Variants in SMPD4 observed in about 807,000 individuals in gnomAD.
SMPD4 encodes the protein sphingomyelin phosphodiesterase 4, also known as neutral sphingomyelinase 3.
A neutral mutation model predicts 97.8 loss-of-function variants in SMPD4; 58 were observed. That is an observed-to-expected ratio of 0.59 (90% CI 0.48 to 0.74). The LOEUF is 0.74. Among genes scored for constraint, SMPD4 ranks in the 30% least tolerant of loss-of-function variants. The pLI is 0.00. For synonymous variants in SMPD4, 388 were observed against 450.0 expected, an observed-to-expected ratio of 0.86 and a Z score of 1.74; for missense variants, 853 against 1,080.5, an observed-to-expected ratio of 0.79 and a Z score of 2.95.
Position 130,152,449 on chromosome 2 carries a change from G to T in SMPD4, c.*106C>A. The T allele has an allele frequency of 7.9e-7, 1 of 1,267,692 alleles. No individual in the cohort carries two copies. Among genetic ancestry groups the T allele is most frequent in the Non-Finnish European group, 1.1e-6 (1 of 935,874 alleles). The allele number at this position is 1,267,692 out of a possible 1,614,324, so 78.5% of individuals were successfully genotyped here. On this transcript the variant is annotated 3_prime_UTR_variant, in exon 20 of 20. Transcript: ENST00000680298. ...TGCAGGAACCCCGCTCCAGAAGCCC[G>T]AGGATGACCGTGTTCCCTCCTGGAG... is the stretch of plus-strand genomic sequence containing the variant.
At position 130,176,575 on chromosome 2, in the gene SMPD4, C is replaced by A. The variant is rs758615528; in HGVS notation, c.18G>T (p.Leu6=). The change falls in exon 2 of 20, where the codon CTG becomes CTT. Residue 6 remains leucine (L), a synonymous_variant. Coordinates refer to ENST00000680298, the MANE Select transcript of SMPD4 (RefSeq NM_017951.5). MAFPH[L]QQPSFLLASL... is the part of the protein sequence containing the mutation. ...TTACCAGTAGAAAGCTGGGCTGCTG[C>A]AGGTGAGGGAACGCCATAGCAGCCT... 2.5e-6 allele frequency: 4 copies of A among 1,613,178 alleles called. No individual in the cohort carries two copies. The highest frequency in any genetic ancestry group is 4.5e-5 in the East Asian group (2 of 44,866).
At chr2:130,156,227 C>T in intron 13 of SMPD4, 92 bp from the exon 14 acceptor site, 1 of 1,100,626 alleles carries the variant, frequency 9.1e-7, no homozygotes, top group Non-Finnish European at 1.3e-6. Flanking sequence ...CTGGGTGGGA[C>T]TGACTCTTCT....
chr2:130,153,062 G>T lies in SMPD4; in HGVS notation c.2135C>A (p.Ser712Ter), dbSNP rs375396456. ...ASLVRTLFRL[S>*]SAINHRFAGQ... is the part of the protein sequence containing the mutation. The stretch of plus-strand genomic sequence containing the variant: ...ACTCACTCTGTGGTTGATGGCAGAC[G>T]ACAGCCTAAAGAGTGTGCGGACCAA... The change falls in exon 19 of 20, where the codon TCG (serine) becomes TAG (stop). Residue 712 changes from serine to a stop codon, truncating the protein, a stop_gained. Transcript: ENST00000680298. LOFTEE classifies it high-confidence loss of function. 1 of 1,611,842 alleles carries T rather than the reference G, an allele frequency of 6.2e-7. No homozygotes were observed. Among genetic ancestry groups the T allele is most frequent in the Non-Finnish European group, 8.5e-7 (1 of 1,179,766 alleles).
chr2:130,181,453 G>C, intron 1 of SMPD4, 77 bp downstream of exon 1: 1 of 1,529,502 alleles, frequency 6.5e-7, no homozygotes, highest in Non-Finnish European at 8.8e-7. Flanking sequence ...GCGGAGGAAC[G>C]GAGATGGCCT....
intron 16 of SMPD4, 105 bp from the exon 17 acceptor site, chr2:130,154,040 G>C: frequency 8.3e-7 from 1 of 1,204,230 alleles, no homozygotes; most frequent in East Asian, 2.6e-5. Flanking sequence ...CAGGAGGAGT[G>C]GCTTCTGCCA....
In SMPD4 at chr2:130,160,276, CCT is replaced by C. The variant is rs1267406527; in HGVS notation, c.951+908_951+909del. Among the ~76,000 whole-genome samples the C allele has an allele frequency of 5.9e-5, 9 of 152,326 alleles. No homozygotes were observed. The South Asian group carries it at 1.9e-3, about 32-fold the overall frequency. On this transcript the variant is annotated intron_variant, in intron 11 of 19. Coordinates refer to ENST00000680298, the MANE Select transcript of SMPD4 (RefSeq NM_017951.5). ...AGTGGCTCCTGCGGAATGAGGTGCCCCTGTGTGCTGTGGCCACCATCCCAGCC... is the reference window on the plus strand; with the variant it reads ...AGTGGCTCCTGCGGAATGAGGTGCCCGTGTGCTGTGGCCACCATCCCAGCC...
rs193125137 is a variant in SMPD4 at position 130,156,185 on chromosome 2, C to G, written c.1189-50G>C. 798 of 1,531,616 alleles carry G rather than the reference C, an allele frequency of 5.2e-4. 4 individuals carry two copies. In the African/African-American group the frequency reaches 9.8e-3, roughly 19 times the overall value. The allele number at this position is 1,531,616 out of a possible 1,614,324, so 94.9% of individuals were successfully genotyped here. On this transcript the variant is annotated intron_variant, in intron 13 of 19. Transcript: ENST00000680298. ...GCTCCGTGGCTGGGGGCCAAATACT[C>G]GGTGGCCTGGAGCCCAGATACCAGG...
rs192638979 is a variant in SMPD4, at chr2:130,178,105, C to T, written c.-45-1468G>A. Among the ~76,000 whole-genome samples the T allele has an allele frequency of 7.0e-4, 106 of 152,222 alleles. 1 individual carries two copies. Among genetic ancestry groups the T allele is most frequent in the African/African-American group, 2.5e-3 (104 of 41,536 alleles). On this transcript the variant is annotated intron_variant, in intron 1 of 19. Coordinates refer to ENST00000680298, the MANE Select transcript of SMPD4 (RefSeq NM_017951.5). ...AAATAAACCTGGAAGCAGCTTCTTC[C>T]CTAGAGTCTCCAGATAAGAGCAAAG...
chr2:130,181,069 C>G, intron 1 of SMPD4, among the ~76,000 whole-genome samples: 1 of 152,326 alleles, frequency 6.6e-6, no homozygotes, highest in East Asian at 1.9e-4. Flanking sequence ...GCCAAGACCT[C>G]CCTTAACAGC....
rs771620367 is a variant in SMPD4, at chr2:130,155,209, C to T, written c.1340G>A (p.Gly447Asp). The T allele has an allele frequency of 1.2e-6, 2 of 1,614,194 alleles. No individual in the cohort carries two copies. The highest frequency in any genetic ancestry group is 1.7e-5 in the Admixed American group (1 of 60,030). Residue 447 changes from glycine (G) to aspartate (D), a missense_variant, in exon 15 of 20, where the codon GGC becomes GAC. This residue lies in a region of SMPD4 where 511 missense variants were observed against 608.1 expected (regional missense o/e 0.84). Coordinates refer to ENST00000680298, the MANE Select transcript of SMPD4 (RefSeq NM_017951.5). ...NLLMYTKLFV[G>D]FLNRALRTDL... Reference sequence around the variant, plus strand: ...TGTGCGGAGCGCGCGGTTCAGAAAGCCCACAAACAACTTGGTGTACATCAG... The same window carrying T: ...TGTGCGGAGCGCGCGGTTCAGAAAGTCCACAAACAACTTGGTGTACATCAG...
intron 2 of SMPD4, among the ~76,000 whole-genome samples, chr2:130,175,562 A>G (rs1688910302): frequency 6.6e-6 from 1 of 152,226 alleles, no homozygotes; most frequent in Non-Finnish European, 1.5e-5. Context: ...GACAAAAATT[A>G]TAGATGGCTT....
At chr2:130,176,720 T>A (rs1343614416) in intron 1 of SMPD4, 83 bp from the exon 2 acceptor site, 1 of 1,172,718 alleles carries the variant, frequency 8.5e-7, no homozygotes, top group Non-Finnish European at 1.2e-6. Context: ...CAGGGTCTTG[T>A]TCTGTTGCCC....
chr2:130,181,397 G>A (rs1489110336), intron 1 of SMPD4, 133 bp downstream of exon 1: 3 of 1,469,718 alleles, frequency 2.0e-6, no homozygotes, highest in South Asian at 1.4e-5. Flanking sequence ...TCCCCAGCCT[G>A]CCCTGCCTGG....
chr2:130,173,951 A>G (rs1402523584), intron 3 of SMPD4, among the ~76,000 whole-genome samples: 1 of 146,188 alleles, frequency 6.8e-6, no homozygotes, highest in Non-Finnish European at 1.5e-5. Flanking sequence ...AGAAGATTAA[A>G]TTAAGAAAAA....
chr2:130,176,935 C>T (rs571900220), intron 1 of SMPD4, among the ~76,000 whole-genome samples: 7 of 152,346 alleles, frequency 4.6e-5, no homozygotes, highest in East Asian at 3.9e-4. Context: ...CACTGATCCT[C>T]CTGCCTTGGC....
intron 10 of SMPD4, among the ~76,000 whole-genome samples, chr2:130,164,061 C>T (rs530096934): frequency 3.0e-4 from 45 of 152,310 alleles, no homozygotes; most frequent in Non-Finnish European, 4.7e-4. Flanking sequence ...TCCCCCACTC[C>T]CAGAGCAAGA....
At chr2:130,168,052 A>G (rs1282722428) in intron 8 of SMPD4, among the ~76,000 whole-genome samples, 1 of 152,210 alleles carries the variant, frequency 6.6e-6, no homozygotes, top group African/African-American at 2.4e-5. Context: ...ACATTGAAAC[A>G]TAAAACAGCT....
intron 8 of SMPD4, among the ~76,000 whole-genome samples, chr2:130,172,027 C>T (rs574511325): frequency 6.6e-6 from 1 of 152,340 alleles, no homozygotes; most frequent in East Asian, 1.9e-4. Context: ...ATAGGACAAC[C>T]TTTCCACCCT....
intron 3 of SMPD4, among the ~76,000 whole-genome samples, chr2:130,174,497 T>C (rs550782318): frequency 6.6e-6 from 1 of 152,348 alleles, no homozygotes; most frequent in African/African-American, 2.4e-5. Context: ...TTTAAATACA[T>C]ATTTTTAGTA....
Sources: allele counts gnomAD v4.1 joint callset (sites outside exome capture counted in the v4.1 genomes callset), GRCh38; gene constraint gnomAD v4.1.1; regional missense constraint gnomAD v4.1.1; transcripts MANE v1.5; gene names NCBI Gene and HGNC (gene_info 2026-07-23, HGNC 2026-07-21).